The following MARCHF5 variants were observed in gnomAD, a reference collection of about 807,000 sequenced individuals.
MARCHF5 encodes E3 ubiquitin-protein ligase MARCHF5.
A neutral mutation model predicts 36.5 loss-of-function variants in MARCHF5; 5 were observed. The observed-to-expected ratio is 0.14, with a 90% CI of 0.07 to 0.29. MARCHF5 has a LOEUF of 0.29. Among genes scored for constraint, MARCHF5 ranks in the 10% least tolerant of loss-of-function variants. MARCHF5 has a pLI of 1.00. For synonymous variants in MARCHF5, 103 were observed against 109.9 expected (o/e 0.94, Z 0.39); for missense variants, 179 against 336.3 (o/e 0.53, Z 3.66).
In MARCHF5 at chr10:92,291,408, A is replaced by G. The variant is rs984051955; in HGVS notation, c.-87A>G. 2 of 1,225,300 alleles carry G rather than the reference A, an allele frequency of 1.6e-6. No individual in the cohort carries two copies. The highest frequency in any genetic ancestry group is 3.1e-5 in the African/African-American group (2 of 65,390). 75.9% of individuals were successfully genotyped at this position (1,225,300 alleles called of 1,614,324 possible). The stretch of plus-strand genomic sequence containing the variant: ...CGCGGCTGCCGCCGGACTGCGGCCT[A>G]CTCCGCCGCCTCTCAGTGCTATTGT... On this transcript the variant is annotated 5_prime_UTR_variant, in exon 1 of 6. Transcript: ENST00000358935.
chr10:92,346,492 CTTTTTTTTTTTT>C (rs763991703), intron 3 of MARCHF5, among the ~76,000 whole-genome samples: 1 of 88,300 alleles, frequency 1.1e-5, no homozygotes, highest in East Asian at 3.1e-4. Context: ...CTATTTCCTT[CTTTTTTTTTTTT>C]TTTTTTTTTT....
In MARCHF5 at chr10:92,353,049, CA is replaced by C. The variant is rs1412533411; in HGVS notation, c.*1843del. 2.0e-5 allele frequency: 3 copies of C among 152,320 alleles called. No homozygotes were observed. The allele number at this position is 152,320 out of a possible 1,614,324, so 9.4% of individuals were successfully genotyped here. ...CCATTTACTACATTAATGCCCTTGACAGGGAGTAGCTGCTTGGTTTTATAGG... is the reference window on the plus strand; with the variant it reads ...CCATTTACTACATTAATGCCCTTGACGGGAGTAGCTGCTTGGTTTTATAGG... On this transcript the variant is annotated 3_prime_UTR_variant, in exon 6 of 6. Transcript: ENST00000358935.
intron 5 of MARCHF5, 99 bp from the exon 6 acceptor site, chr10:92,350,992 A>G (rs1843708148): frequency 2.9e-6 from 2 of 678,770 alleles, no homozygotes; most frequent in African/African-American, 1.8e-5. Context: ...TTAGTTTAGC[A>G]TCAAAGCCTA....
chr10:92,318,893 G>A (rs186590604), intron 2 of MARCHF5, among the ~76,000 whole-genome samples: 10 of 152,146 alleles, frequency 6.6e-5, no homozygotes, highest in Admixed American at 1.3e-4. Context: ...TTTTAGTAGA[G>A]TTGGGGTTTC....
At position 92,349,566 on chromosome 10, in the gene MARCHF5, C is replaced by T. The variant is rs779438589; in HGVS notation, c.553+34C>T. 7 of 1,597,894 alleles carry T rather than the reference C, an allele frequency of 4.4e-6. No individual in the cohort carries two copies. In the African/African-American group the frequency reaches 9.4e-5, roughly 21 times the overall value. On this transcript the variant is annotated intron_variant, in intron 4 of 5. Transcript: ENST00000358935. The stretch of plus-strand genomic sequence containing the variant: ...CTGAACTGTGGTTGTAAAGTGCATA[C>T]CAAATTGATCTTGAAGAACAATAAC...
At chr10:92,292,597 A>T (rs980119829) in intron 1 of MARCHF5, among the ~76,000 whole-genome samples, 4 of 152,134 alleles carry the variant, frequency 2.6e-5, no homozygotes, top group Non-Finnish European at 5.9e-5. Flanking sequence ...AGTGACAGAC[A>T]TTTTTTTGGA....
chr10:92,335,296 T>C (rs1481113798), intron 2 of MARCHF5, among the ~76,000 whole-genome samples: 1 of 152,180 alleles, frequency 6.6e-6, no homozygotes, highest in African/African-American at 2.4e-5. Flanking sequence ...AATCATGAGA[T>C]AGTAGCACAT....
chr10:92,337,749 G>GT (rs937113060), intron 2 of MARCHF5, among the ~76,000 whole-genome samples: 3 of 152,092 alleles, frequency 2.0e-5, no homozygotes, highest in African/African-American at 7.2e-5. Context: ...GTGGCCTTGA[G>GT]TTGGTGAGGG....
chr10:92,307,222 T>TGCAC (rs978029845), intron 1 of MARCHF5, among the ~76,000 whole-genome samples: 2 of 145,972 alleles, frequency 1.4e-5, no homozygotes, highest in African/African-American at 5.0e-5. Flanking sequence ...TGCGCGTGCA[T>TGCAC]GCACGCACGT....
chr10:92,337,533 T>G (rs1564952358), intron 2 of MARCHF5, among the ~76,000 whole-genome samples: 1 of 151,734 alleles, frequency 6.6e-6, no homozygotes, highest in African/African-American at 2.4e-5. Context: ...AAAATAAAAA[T>G]AAATAAAACA....
intron 1 of MARCHF5, among the ~76,000 whole-genome samples, chr10:92,297,931 C>T (rs1174137531): frequency 6.6e-6 from 1 of 152,140 alleles, no homozygotes; most frequent in Non-Finnish European, 1.5e-5. Context: ...GGTGCAGTGG[C>T]TCACACCTGT....
At chr10:92,326,652 A>G (rs1843363946) in intron 2 of MARCHF5, among the ~76,000 whole-genome samples, 1 of 152,184 alleles carries the variant, frequency 6.6e-6, no homozygotes, top group East Asian at 1.9e-4. Flanking sequence ...AAAAAACAAA[A>G]TGATAGCTAG....
At chr10:92,331,436 C>G (rs1247084262) in intron 2 of MARCHF5, among the ~76,000 whole-genome samples, 1 of 152,062 alleles carries the variant, frequency 6.6e-6, no homozygotes, top group East Asian at 1.9e-4. Context: ...CCTCCCCCCC[C>G]ATAATCTTTA....
chr10:92,323,661 G>A (rs1306532687), intron 2 of MARCHF5, among the ~76,000 whole-genome samples: 1 of 152,090 alleles, frequency 6.6e-6, no homozygotes, highest in Non-Finnish European at 1.5e-5. Flanking sequence ...GACTCGTACA[G>A]TATGTAGCCT....
At chr10:92,323,768 C>T (rs922782178) in intron 2 of MARCHF5, among the ~76,000 whole-genome samples, 7 of 152,174 alleles carry the variant, frequency 4.6e-5, no homozygotes, top group African/African-American at 1.7e-4. Context: ...AATACTCTTA[C>T]ATTGTCTGGA....
chr10:92,304,400 G>A (rs1209041983), intron 1 of MARCHF5, among the ~76,000 whole-genome samples: 1 of 152,106 alleles, frequency 6.6e-6, no homozygotes, highest in Admixed American at 6.6e-5. Flanking sequence ...AACTCCTTTG[G>A]TGGTCTGGTT....
intron 5 of MARCHF5, 113 bp downstream of exon 5, chr10:92,349,950 G>A: frequency 7.5e-6 from 6 of 796,852 alleles, no homozygotes; most frequent in Non-Finnish European, 9.9e-6. Context: ...TATGCATTAA[G>A]CCTCTATTTG....
intron 2 of MARCHF5, among the ~76,000 whole-genome samples, chr10:92,315,659 T>G (rs1202148577): frequency 6.6e-6 from 1 of 152,236 alleles, no homozygotes; most frequent in African/African-American, 2.4e-5. Context: ...CACTATAAAA[T>G]CATACTATTA....
At chr10:92,344,042 T>C (rs1000586885) in intron 3 of MARCHF5, among the ~76,000 whole-genome samples, 1 of 152,200 alleles carries the variant, frequency 6.6e-6, no homozygotes, top group Non-Finnish European at 1.5e-5. Context: ...CAAATGAGAT[T>C]GAGTTATTTT....
Sources: gnomAD v4.1 joint callset for allele counts (sites outside exome capture counted in the v4.1 genomes callset) on GRCh38, gnomAD v4.1.1 for gene constraint, MANE v1.5 for transcripts, NCBI Gene and HGNC (gene_info 2026-07-23, HGNC 2026-07-21) for gene names.